The following SENP6 variants were observed in gnomAD, a reference collection of about 807,000 sequenced individuals.
The protein encoded by SENP6 is SUMO specific peptidase 6, also known as sentrin-specific protease 6.
Under a neutral mutation model 134.5 loss-of-function variants are expected in SENP6, and 41 were observed. That is an observed-to-expected ratio of 0.30 (90% CI 0.24 to 0.40). The LOEUF is 0.40. Among genes scored for constraint, SENP6 ranks in the 10% least tolerant of loss-of-function variants. SENP6 has a pLI of 1.00. For synonymous variants in SENP6, 395 were observed against 429.8 expected, an observed-to-expected ratio of 0.92 and a Z score of 1.00; for missense variants, 1,248 against 1,312.5, an observed-to-expected ratio of 0.95 and a Z score of 0.76.
chr6:75,668,482 A>G (rs1193156353), intron 10 of SENP6, among the ~76,000 whole-genome samples: 3 of 152,230 alleles, frequency 2.0e-5, no homozygotes, highest in Non-Finnish European at 4.4e-5. Flanking sequence ...AGGAAAGGAA[A>G]TGAATAGAAT....
Position 75,634,709 on chromosome 6 carries a change from A to G in SENP6, c.356A>G (p.Glu119Gly). The part of the protein sequence containing the change: ...NMLSNNKKLS[E>G]NTQNTSLCSG... ...TTTTTTGTTTCTTGAATCTGCAGTG[A>G]AAATACGCAAAATACGTCATTATGT... Residue 119 changes from glutamate to glycine, a missense_variant and splice_region_variant, in exon 5 of 24, where the codon GAA becomes GGA. Glu to Gly is a moderately conservative substitution (Grantham distance 98, BLOSUM62 -2). This residue lies in a region of SENP6 where 733 missense variants were observed against 725.4 expected (regional missense o/e 1.01). Transcript: ENST00000447266. 1 of 1,558,052 alleles carries G rather than the reference A, an allele frequency of 6.4e-7. No homozygotes were observed. Among genetic ancestry groups the G allele is most frequent in the Non-Finnish European group, 8.6e-7 (1 of 1,157,024 alleles).
At chr6:75,689,731 C>G (rs989846495) in intron 16 of SENP6, among the ~76,000 whole-genome samples, 1 of 152,098 alleles carries the variant, frequency 6.6e-6, no homozygotes, top group African/African-American at 2.4e-5. Flanking sequence ...CGGTAACATA[C>G]TATACAGGTG....
intron 3 of SENP6, among the ~76,000 whole-genome samples, chr6:75,629,861 G>T (rs1365433030): frequency 6.6e-6 from 1 of 152,062 alleles, no homozygotes; most frequent in Non-Finnish European, 1.5e-5. Flanking sequence ...ATAGATTTAG[G>T]TTCTCCCACA....
At chr6:75,627,842 A>G (rs1768815113) in intron 3 of SENP6, among the ~76,000 whole-genome samples, 1 of 151,498 alleles carries the variant, frequency 6.6e-6, no homozygotes, top group East Asian at 1.9e-4. Context: ...ACGCCCGGCT[A>G]ATTTTTTATA....
At chr6:75,704,773 G>T (rs1400095633) in intron 19 of SENP6, among the ~76,000 whole-genome samples, 3 of 152,198 alleles carry the variant, frequency 2.0e-5, no homozygotes, top group African/African-American at 7.2e-5. Flanking sequence ...AGAGGTCCCT[G>T]CGGCTTTCTG....
At position 75,605,294 on chromosome 6, in the gene SENP6, C is replaced by T. The variant is rs570870057; in HGVS notation, c.52+2718C>T. Reference sequence around the variant, plus strand: ...TCCTACTCTAACAGTCAGTGTACCACGGTGAAGTGCATAAGAGAGTCAAGG... The same window carrying T: ...TCCTACTCTAACAGTCAGTGTACCATGGTGAAGTGCATAAGAGAGTCAAGG... On this transcript the variant is annotated intron_variant, in intron 1 of 23. Coordinates refer to ENST00000447266, the MANE Select transcript of SENP6 (RefSeq NM_015571.4). Among the ~76,000 whole-genome samples the T allele has an allele frequency of 2.0e-5, 3 of 152,320 alleles. No homozygotes were observed. The East Asian group carries it at 5.8e-4, about 29-fold the overall frequency.
chr6:75,659,605 A>AT (rs1771619997), intron 8 of SENP6, among the ~76,000 whole-genome samples, 198 bp downstream of exon 8: 1 of 152,168 alleles, frequency 6.6e-6, no homozygotes, highest in Non-Finnish European at 1.5e-5. Context: ...TCTGTAAAGA[A>AT]TTTATCAGTG....
At position 75,678,884 on chromosome 6, in the gene SENP6, G is replaced by A; in HGVS notation, c.2032G>A (p.Glu678Lys). ...CAATGAGGACCTGCACTGTCTAAAT[G>A]AAGGAGAATTTTTAAATGATGTTAT... ...VTNEDLHCLN[E>K]GEFLNDVIID... Residue 678 changes from glutamate (E) to lysine (K), a missense_variant, in exon 16 of 24, where the codon GAA becomes AAA. By Grantham distance (56) the Glu-to-Lys change is moderately conservative. Coordinates refer to ENST00000447266, the MANE Select transcript of SENP6 (RefSeq NM_015571.4). 6.3e-7 allele frequency: 1 copy of A among 1,596,890 alleles called. No individual in the cohort carries two copies. The highest frequency in any genetic ancestry group is 1.1e-5 in the South Asian group (1 of 89,754).
intron 8 of SENP6, among the ~76,000 whole-genome samples, chr6:75,660,592 T>A (rs1771696823): frequency 6.6e-6 from 1 of 152,144 alleles, no homozygotes; most frequent in Non-Finnish European, 1.5e-5. Flanking sequence ...TTCACTTCTC[T>A]GCTTTTTAGT....
At chr6:75,640,739 A>G (rs1198726192) in intron 6 of SENP6, 35 bp downstream of exon 6, 2 of 1,301,962 alleles carry the variant, frequency 1.5e-6, no homozygotes, top group Non-Finnish European at 1.1e-6. Context: ...GAGCATGGAT[A>G]TAGTGGTAAA....
At position 75,659,381 on chromosome 6, in the gene SENP6, T is replaced by G; in HGVS notation, c.670T>G (p.Ser224Ala). ...YQPTPPLSPA[S>A]KKCLTHLEDL... ...GCCTACTCCTCCTCTATCTCCTGCT[T>G]CAAAAAAATGTTTAACCCATTTAGA... The change falls in exon 8 of 24, where the codon TCA (serine) becomes GCA (alanine). Residue 224 changes from serine (S) to alanine (A), a missense_variant. By Grantham distance (99) the Ser-to-Ala change is moderately conservative (BLOSUM62 1). Transcript: ENST00000447266. The G allele has an allele frequency of 6.2e-7, 1 of 1,609,138 alleles. No homozygotes were observed. The highest frequency in any genetic ancestry group is 1.1e-5 in the South Asian group (1 of 90,186).
intron 19 of SENP6, among the ~76,000 whole-genome samples, chr6:75,708,251 AG>A (rs1562076039): frequency 6.6e-6 from 1 of 152,084 alleles, no homozygotes; most frequent in Non-Finnish European, 1.5e-5. Flanking sequence ...TAGTAGAGAC[AG>A]GGTTTCACCA....
intron 16 of SENP6, among the ~76,000 whole-genome samples, chr6:75,680,919 T>C (rs1207499049): frequency 1.3e-5 from 2 of 152,176 alleles, no homozygotes; most frequent in African/African-American, 2.4e-5. Flanking sequence ...AGAATTATAT[T>C]GCTCTACATA....
chr6:75,626,233 A>C (rs931311722), intron 3 of SENP6, among the ~76,000 whole-genome samples: 1 of 152,000 alleles, frequency 6.6e-6, no homozygotes, highest in Non-Finnish European at 1.5e-5. Context: ...TTTCAGCATC[A>C]TATCTCAAAA....
chr6:75,643,272 G>T (rs899304354), intron 6 of SENP6, among the ~76,000 whole-genome samples: 3 of 152,150 alleles, frequency 2.0e-5, no homozygotes, highest in African/African-American at 7.2e-5. Context: ...TTTAACAAAA[G>T]ACATGCTGAT....
At chr6:75,662,613 A>G (rs925908272) in intron 8 of SENP6, among the ~76,000 whole-genome samples, 1 of 152,170 alleles carries the variant, frequency 6.6e-6, no homozygotes, top group Non-Finnish European at 1.5e-5. Context: ...CTTATTCAGC[A>G]TAGTGTATCT....
At chr6:75,671,307 T>A (rs1053490191) in intron 11 of SENP6, among the ~76,000 whole-genome samples, 5 of 152,252 alleles carry the variant, frequency 3.3e-5, no homozygotes, top group African/African-American at 9.6e-5. Flanking sequence ...GCTAGATTAA[T>A]TGTAAAGCAC....
chr6:75,684,311 G>A (rs1773676239), intron 16 of SENP6, among the ~76,000 whole-genome samples: 1 of 152,142 alleles, frequency 6.6e-6, no homozygotes, highest in Non-Finnish European at 1.5e-5. Context: ...AGATGATGGG[G>A]TTTTCTAAAT....
chr6:75,635,374 C>G (rs114206962), intron 5 of SENP6, among the ~76,000 whole-genome samples: 3,005 of 152,144 alleles, frequency 0.02, 110 homozygotes, highest in African/African-American at 0.068. Flanking sequence ...AATTCTTAGG[C>G]TACAAGAGTT....
Sources: gnomAD v4.1 joint callset for allele counts (sites outside exome capture counted in the v4.1 genomes callset) on GRCh38, gnomAD v4.1.1 for gene constraint, gnomAD v4.1.1 regional missense constraint, MANE v1.5 for transcripts, NCBI Gene and HGNC (gene_info 2026-07-23, HGNC 2026-07-21) for gene names.